NUP214: variants seen among roughly 807,000 people sequenced by gnomAD.
NUP214 encodes nuclear pore complex protein Nup214.
In NUP214, 79 loss-of-function variants were observed where a neutral mutation model predicts 196.2. The observed-to-expected ratio is 0.40, with a 90% CI of 0.34 to 0.49. The LOEUF is 0.49. Among genes scored for constraint, NUP214 ranks in the 20% least tolerant of loss-of-function variants. The pLI is 0.58. For synonymous variants in NUP214, 1,020 were observed against 990.5 expected (o/e 1.03, Z -0.56); for missense variants, 2,468 against 2,539.0 (o/e 0.97, Z 0.60).
Position 131,197,152 on chromosome 9 carries a change from T to C in NUP214, c.3722-64T>C, listed in dbSNP as rs979871318. 5.7e-6 allele frequency: 9 copies of C among 1,570,638 alleles called. No homozygotes were observed. The Admixed American group carries it at 7.2e-5, about 12-fold the overall frequency. Reference sequence around the variant, plus strand: ...AACTTTGGCTTAGAAACACAATCAGTGGAAATGTAATGGGTCATCTTTTGC... The same window carrying C: ...AACTTTGGCTTAGAAACACAATCAGCGGAAATGTAATGGGTCATCTTTTGC... On this transcript the variant is annotated intron_variant, in intron 28 of 35. Transcript: ENST00000359428.
intron 4 of NUP214, among the ~76,000 whole-genome samples, chr9:131,130,082 G>A (rs1238139680): frequency 6.6e-6 from 1 of 151,248 alleles, no homozygotes. Flanking sequence ...TTGTACCTTT[G>A]GGCGGAAAAG....
At chr9:131,221,813 C>T (rs1474525303) in intron 31 of NUP214, among the ~76,000 whole-genome samples, 1 of 152,096 alleles carries the variant, frequency 6.6e-6, no homozygotes, top group Non-Finnish European at 1.5e-5. Flanking sequence ...TGGTAGGAAA[C>T]GTGAGTTATT....
At chr9:131,152,672 GC>G (rs2133521007) in intron 17 of NUP214, among the ~76,000 whole-genome samples, 1 of 152,174 alleles carries the variant, frequency 6.6e-6, no homozygotes, top group African/African-American at 2.4e-5. Flanking sequence ...AATTTCATAG[GC>G]TAAGTAGCTT....
intron 21 of NUP214, among the ~76,000 whole-genome samples, chr9:131,170,571 C>G (rs1435683889): frequency 6.6e-6 from 1 of 151,988 alleles, no homozygotes; most frequent in Non-Finnish European, 1.5e-5. Context: ...ATTTGTTGCT[C>G]TTATAATGGT....
intron 17 of NUP214, among the ~76,000 whole-genome samples, chr9:131,157,461 T>TG (rs1832489139): frequency 8.1e-6 from 1 of 123,962 alleles, no homozygotes. Context: ...TGTCTGGCGT[T>TG]TTTTTTTTTT....
chr9:131,140,470 G>T, intron 10 of NUP214, 79 bp from the exon 11 acceptor site: 1 of 1,261,362 alleles, frequency 7.9e-7, no homozygotes, highest in Non-Finnish European at 1.1e-6. Flanking sequence ...CCCTCTTCAT[G>T]TTGAGGGCAG....
chr9:131,187,134 C>CA (rs1406418407), intron 24 of NUP214, 155 bp from the exon 25 acceptor site: 30 of 600,068 alleles, frequency 5.0e-5, no homozygotes, highest in South Asian at 6.9e-5. Context: ...ATTTATCCTT[C>CA]AAAAAAAATG....
intron 18 of NUP214, among the ~76,000 whole-genome samples, chr9:131,161,546 C>T (rs1350390869): frequency 2.6e-5 from 4 of 152,120 alleles, no homozygotes; most frequent in Admixed American, 6.5e-5. Context: ...CGTGAGCCAC[C>T]GCGCCTGGCC....
rs747292074 is a variant in NUP214, at chr9:131,198,318, C to T, written c.4824C>T (p.Ala1608=). 2.5e-5 allele frequency: 41 copies of T among 1,614,190 alleles called. No homozygotes were observed. The highest frequency in any genetic ancestry group is 2.4e-4 in the South Asian group (22 of 91,078). ...AAAISSAGPV[A]VETSSTPIAS... is the part of the protein sequence containing the mutation. ...CTATCTCAAGTGCAGGCCCTGTGGC[C>T]GTCGAAACATCAAGTACCCCCATAG... The change falls in exon 29 of 36, where the codon GCC becomes GCT. Residue 1608 remains alanine (A), a synonymous_variant. Transcript: ENST00000359428.
chr9:131,166,664 T>C (rs1458607377), intron 21 of NUP214, among the ~76,000 whole-genome samples: 1 of 152,094 alleles, frequency 6.6e-6, no homozygotes, highest in Non-Finnish European at 1.5e-5. Flanking sequence ...AGAAACAGAA[T>C]ATTGCCGTTT....
In NUP214 at chr9:131,146,544, CA is replaced by C. The variant is rs1832091255; in HGVS notation, c.1945+245del. Among the ~76,000 whole-genome samples, 1 of 152,162 alleles carries C rather than the reference CA, an allele frequency of 6.6e-6. No individual in the cohort carries two copies. Among genetic ancestry groups the C allele is most frequent in the African/African-American group, 2.4e-5 (1 of 41,432 alleles). ...ATGGAGCTAAGTGTATTTAATGAGT[CA>C]AAAATGCCTTGCTCTTGGGCATTTA... On this transcript the variant is annotated intron_variant, in intron 13 of 35. Coordinates refer to ENST00000359428, the MANE Select transcript of NUP214 (RefSeq NM_005085.4). The surrounding 1 kb of genome is among the most constrained non-coding windows in gnomAD (Gnocchi z 4.6).
rs1309145065 is a variant in NUP214, at chr9:131,134,503, T to C, written c.832-395T>C. ...TAGAGGTTTTTTCTATTCTAGGGGATAATATTAACACTAGTATTTATTAAC... is the reference window on the plus strand; with the variant it reads ...TAGAGGTTTTTTCTATTCTAGGGGACAATATTAACACTAGTATTTATTAAC... On this transcript the variant is annotated intron_variant, in intron 7 of 35. Transcript: ENST00000359428. 2.0e-5 allele frequency among the ~76,000 whole-genome samples: 3 copies of C among 152,316 alleles called. No homozygotes were observed. In the East Asian group the frequency reaches 5.8e-4, roughly 29 times the overall value.
chr9:131,203,530 G>A (rs1462742364), intron 30 of NUP214, among the ~76,000 whole-genome samples: 1 of 152,146 alleles, frequency 6.6e-6, no homozygotes, highest in African/African-American at 2.4e-5. Context: ...CATAATATAT[G>A]TTTCTTATAC....
intron 25 of NUP214, among the ~76,000 whole-genome samples, chr9:131,188,772 C>G (rs996779999): frequency 2.6e-5 from 4 of 152,240 alleles, no homozygotes; most frequent in African/African-American, 9.6e-5. Context: ...GTGCTAAGCA[C>G]TGTGCTAGGC....
Position 131,174,432 on chromosome 9 carries a change from CTT to C in NUP214, c.3157+127_3157+128del, listed in dbSNP as rs371376407. On this transcript the variant is annotated intron_variant, in intron 22 of 35. Transcript: ENST00000359428. ...CAATATGGTGGTTGGCTCCAGCCCA[CTT>C]TTTTTTTTTTTTCTTTTTTTCTTTT... The C allele has an allele frequency of 3.8e-3, 1,479 of 385,766 alleles. 21 individuals carry two copies. The highest frequency in any genetic ancestry group is 0.036 in the African/African-American group (1,225 of 34,274). 23.9% of individuals were successfully genotyped at this position (385,766 alleles called of 1,614,324 possible).
At chr9:131,190,704 T>C in intron 26 of NUP214, 1 of 408,360 alleles carries the variant, frequency 2.4e-6, no homozygotes, top group Non-Finnish European at 4.3e-6. Context: ...TAATGTAGAA[T>C]GTGAAAGCTG....
intron 26 of NUP214, chr9:131,191,670 A>G (rs1189591033): frequency 6.6e-6 from 1 of 152,228 alleles, no homozygotes; most frequent in Non-Finnish European, 1.5e-5. Context: ...TTAAATGCCA[A>G]CAAAATCTGT....
In NUP214 at chr9:131,125,597, C is replaced by A. The variant is rs942235733; in HGVS notation, c.-108C>A. On this transcript the variant is annotated 5_prime_UTR_variant, in exon 1 of 36. Coordinates refer to ENST00000359428, the MANE Select transcript of NUP214 (RefSeq NM_005085.4). The surrounding 1 kb of genome is among the most constrained non-coding windows in gnomAD (Gnocchi z 4.1). ...CGCGCCGGAAATGCGAGGTCAACTG[C>A]GCGCCGCTGGCGCTGAGGGGAGGAA... The A allele has an allele frequency of 1.9e-6, 3 of 1,548,108 alleles. No individual in the cohort carries two copies. Among genetic ancestry groups the A allele is most frequent in the Admixed American group, 2.0e-5 (1 of 50,632 alleles).
chr9:131,186,937 G>C (rs559334428), intron 24 of NUP214, among the ~76,000 whole-genome samples: 63 of 152,278 alleles, frequency 4.1e-4, no homozygotes, highest in Admixed American at 7.2e-4. Flanking sequence ...TTGGGTAAGA[G>C]AATCAGGAAT....
Sources: gnomAD v4.1 joint callset for allele counts (sites outside exome capture counted in the v4.1 genomes callset) on GRCh38, gnomAD v4.1.1 for gene constraint, Gnocchi (gnomAD v3.1) non-coding constraint, MANE v1.5 for transcripts, NCBI Gene and HGNC (gene_info 2026-07-23, HGNC 2026-07-21) for gene names.